EHF: variants seen among roughly 807,000 people sequenced by gnomAD.
EHF encodes the protein ETS homologous factor.
A neutral mutation model predicts 45.1 loss-of-function variants in EHF; 14 were observed. That is an observed-to-expected ratio of 0.31 (90% confidence interval 0.21 to 0.49). EHF has a LOEUF of 0.49. Ranked by LOEUF, EHF falls within the 20% of genes least tolerant of loss-of-function variation. The pLI, the probability that EHF is intolerant of heterozygous loss-of-function variation, is 0.99. For synonymous variants in EHF, 136 were observed against 131.8 expected (o/e 1.03, Z -0.22); for missense variants, 282 against 371.4 (o/e 0.76, Z 1.98).
At position 34,659,838 on chromosome 11, in the gene EHF, T is replaced by C. The variant is rs866888491; in HGVS notation, c.*907T>C. 2.0e-5 allele frequency: 3 copies of C among 152,200 alleles called. No homozygotes were observed. Among genetic ancestry groups the C allele is most frequent in the Admixed American group, 6.5e-5 (1 of 15,268 alleles). The allele number at this position is 152,200 out of a possible 1,614,324, so 9.4% of individuals were successfully genotyped here. A position where few individuals can be genotyped will look rare whatever the true frequency, so the allele number is the denominator to read the frequency against. On this transcript the variant is annotated 3_prime_UTR_variant, in exon 9 of 9. Coordinates refer to ENST00000257831, the MANE Select transcript of EHF (RefSeq NM_012153.6). ...ATTGACATTTTTGGCCGGAGTGTTC[T>C]TTGTGGTGAGGGCTTTCCTGTGCAT...
At chr11:34,631,539 T>G in intron 1 of EHF, 1 of 982,138 alleles carries the variant, frequency 1.0e-6, no homozygotes, top group Non-Finnish European at 1.2e-6. Context: ...AGAAATCACA[T>G]CTAGGACATC....
rs149011184 is a variant in EHF at position 34,633,530 on chromosome 11, A to T, written c.-3-9098A>T. Reference sequence around the variant, plus strand: ...AGAGATCTGGGGTTTCAGTAGCCAAACATTGTTGACTCTAACAACATGGGG... The same window carrying T: ...AGAGATCTGGGGTTTCAGTAGCCAATCATTGTTGACTCTAACAACATGGGG... On this transcript the variant is annotated intron_variant, in intron 1 of 8. Coordinates refer to ENST00000257831, the MANE Select transcript of EHF (RefSeq NM_012153.6). Among the ~76,000 whole-genome samples, 49 of 152,312 alleles carry T rather than the reference A, an allele frequency of 3.2e-4. No individual in the cohort carries two copies. In the East Asian group the frequency reaches 8.7e-3, roughly 27 times the overall value.
chr11:34,640,245 G>C (rs1243136581), intron 1 of EHF, among the ~76,000 whole-genome samples: 1 of 152,176 alleles, frequency 6.6e-6, no homozygotes, highest in Non-Finnish European at 1.5e-5. Context: ...TGGGTGCACA[G>C]CCTCCACGCC....
chr11:34,639,124 G>T (rs1167732009), intron 1 of EHF, among the ~76,000 whole-genome samples: 1 of 152,158 alleles, frequency 6.6e-6, no homozygotes, highest in Non-Finnish European at 1.5e-5. Context: ...AGAAATGGAG[G>T]CTCAGAAAGG....
chr11:34,622,333 G>A (rs1852037997), intron 1 of EHF: 8 of 1,015,884 alleles, frequency 7.9e-6, no homozygotes, highest in Non-Finnish European at 1.1e-5. Context: ...CACTCACCTT[G>A]GTAACAGGGA....
chr11:34,660,250 T>C lies in EHF; in HGVS notation c.*1319T>C, dbSNP rs1425605347. ...GAACTACAATAGAAGACATTTTCAC[T>C]GGAATTACAAAGCAGAATTAAAATT... On this transcript the variant is annotated 3_prime_UTR_variant, in exon 9 of 9. Transcript: ENST00000257831. 1 of 152,144 alleles carries C rather than the reference T, an allele frequency of 6.6e-6. No individual in the cohort carries two copies. The highest frequency in any genetic ancestry group is 1.5e-5 in the Non-Finnish European group (1 of 68,018). The allele number at this position is 152,144 out of a possible 1,614,324, so 9.4% of individuals were successfully genotyped here.
intron 2 of EHF, among the ~76,000 whole-genome samples, chr11:34,643,062 A>C (rs1854165651): frequency 7.4e-6 from 1 of 135,920 alleles, no homozygotes. Context: ...CTAGGAGAGA[A>C]AGGGTATGTG....
chr11:34,646,677 G>A lies in EHF; in HGVS notation c.336G>A (p.Lys112=). Residue 112 remains lysine, a synonymous_variant, in exon 3 of 9, where the codon AAG becomes AAA. Transcript: ENST00000257831. The stretch of plus-strand genomic sequence containing the variant: ...TCTACAGCAACTTGCAGCATCTGAA[G>A]TGGAACGGTGACTCTCTCTTTCTGT... ...QLLYSNLQHL[K]WNGQCSSDLF... is the part of the protein sequence containing the mutation. 1.9e-6 allele frequency: 3 copies of A among 1,609,720 alleles called. No homozygotes were observed. Among genetic ancestry groups the A allele is most frequent in the Non-Finnish European group, 1.7e-6 (2 of 1,179,958 alleles).
At chr11:34,639,663 C>T (rs1853788605) in intron 1 of EHF, among the ~76,000 whole-genome samples, 1 of 152,234 alleles carries the variant, frequency 6.6e-6, no homozygotes, top group South Asian at 2.1e-4. Context: ...CTTACAAGCC[C>T]AGGTGAGCTC....
At chr11:34,622,536 A>G (rs1345904393) in intron 1 of EHF, 1 of 393,434 alleles carries the variant, frequency 2.5e-6, no homozygotes, top group African/African-American at 2.1e-5. Context: ...AGAAGAAGAT[A>G]CGTTATTAGG....
At chr11:34,645,962 G>A (rs1240674464) in intron 2 of EHF, among the ~76,000 whole-genome samples, 2 of 151,602 alleles carry the variant, frequency 1.3e-5, no homozygotes, top group African/African-American at 2.4e-5. Flanking sequence ...AAAAGCAAAG[G>A]CATCGTAGAG....
intron 1 of EHF, among the ~76,000 whole-genome samples, chr11:34,637,090 A>G (rs1190949858): frequency 2.7e-5 from 4 of 150,200 alleles, no homozygotes. Context: ...AGCTCCTCAC[A>G]CTCTTGAATG....
chr11:34,637,340 G>A (rs1381080891), intron 1 of EHF, among the ~76,000 whole-genome samples: 1 of 152,164 alleles, frequency 6.6e-6, no homozygotes, highest in African/African-American at 2.4e-5. Context: ...CAGGCGCATG[G>A]GGCTGGGATG....
chr11:34,648,099 A>G (rs979685348), intron 3 of EHF, among the ~76,000 whole-genome samples: 1 of 152,168 alleles, frequency 6.6e-6, no homozygotes, highest in Non-Finnish European at 1.5e-5. Context: ...GTCCAGGCAG[A>G]TTGCTCACTC....
At chr11:34,657,539 A>T (rs1406842754) in intron 7 of EHF, among the ~76,000 whole-genome samples, 1 of 152,156 alleles carries the variant, frequency 6.6e-6, no homozygotes, top group Non-Finnish European at 1.5e-5. Flanking sequence ...CTGTAATCCC[A>T]CCACTTTGGG....
At position 34,662,771 on chromosome 11, in the gene EHF, C is replaced by T. The variant is rs1485034287; in HGVS notation, c.*3840C>T. Among the ~76,000 whole-genome samples, 3 of 151,984 alleles carry T rather than the reference C, an allele frequency of 2.0e-5. No homozygotes were observed. Among genetic ancestry groups the T allele is most frequent in the Non-Finnish European group, 4.4e-5 (3 of 67,982 alleles). On this transcript the variant is annotated 3_prime_UTR_variant, in exon 9 of 9. Coordinates refer to ENST00000257831, the MANE Select transcript of EHF (RefSeq NM_012153.6). ...ACTTGTTGAGTGCCTGCTATGTGCA[C>T]GGCATGGGCCCATATGTGTGAGGAG...
chr11:34,629,222 G>C (rs1260412682), intron 1 of EHF, among the ~76,000 whole-genome samples: 1 of 152,196 alleles, frequency 6.6e-6, no homozygotes. Context: ...TGGAAAGATG[G>C]CTGAATAATT....
intron 1 of EHF, among the ~76,000 whole-genome samples, chr11:34,628,810 G>A (rs1001064043): frequency 1.3e-4 from 20 of 152,254 alleles, no homozygotes; most frequent in African/African-American, 4.1e-4. Flanking sequence ...GCAAAAGTGG[G>A]GACTGACCCT....
At chr11:34,642,432 A>G (rs1854101892) in intron 1 of EHF, 196 bp from the exon 2 acceptor site, 3 of 507,294 alleles carry the variant, frequency 5.9e-6, no homozygotes, top group Non-Finnish European at 1.1e-5. Context: ...CCTCATGCAT[A>G]TGAAAATTGA....
Sources: gnomAD v4.1 joint callset for allele counts (sites outside exome capture counted in the v4.1 genomes callset) on GRCh38, gnomAD v4.1.1 for gene constraint, MANE v1.5 for transcripts, NCBI Gene and HGNC (gene_info 2026-07-23, HGNC 2026-07-21) for gene names.